Variants in NRXN3 observed in about 807,000 individuals in gnomAD.
NRXN3 encodes the protein neurexin III.
A neutral mutation model predicts 137.6 loss-of-function variants in NRXN3; 32 were observed. The ratio of observed to expected loss-of-function variants is 0.23; its 90% CI spans 0.18 to 0.31. NRXN3 has a LOEUF of 0.31. NRXN3 is among the 10% of genes least tolerant of loss of function. The pLI is 1.00. For missense variants in NRXN3, 1,574 were observed against 2,062.5 expected, an observed-to-expected ratio of 0.76 and a Z score of 4.59; for synonymous variants, 798 against 784.5, an observed-to-expected ratio of 1.02 and a Z score of -0.29.
intron 4 of NRXN3, among the ~76,000 whole-genome samples, chr14:78,535,631 G>A (rs1025431794): frequency 4.6e-5 from 7 of 152,188 alleles, no homozygotes; most frequent in Non-Finnish European, 1.0e-4. Context: ...AGGAGGAAAA[G>A]ACTAAAAAGT....
chr14:78,322,932 C>T (rs1183883428), intron 4 of NRXN3, among the ~76,000 whole-genome samples: 1 of 151,990 alleles, frequency 6.6e-6, no homozygotes, highest in Non-Finnish European at 1.5e-5. Context: ...CGCACTATGC[C>T]TTTCTGCAAT....
intron 19 of NRXN3, among the ~76,000 whole-genome samples, chr14:79,739,648 CAAAAAAAAAAAAAAA>C (rs72347811): frequency 9.4e-5 from 3 of 31,818 alleles, no homozygotes; most frequent in African/African-American, 3.5e-4. Context: ...GACTCTGCCT[CAAAAAAAAAAAAAAA>C]AAAAAAAAAA....
chr14:78,945,518 G>A, intron 10 of NRXN3, among the ~76,000 whole-genome samples: 1 of 152,072 alleles, frequency 6.6e-6, no homozygotes, highest in East Asian at 1.9e-4. Context: ...GCATCTCTTG[G>A]CTAATGGAGG....
At chr14:79,412,162 T>G (rs2095426058) in intron 15 of NRXN3, among the ~76,000 whole-genome samples, 1 of 152,124 alleles carries the variant, frequency 6.6e-6, no homozygotes, top group South Asian at 2.1e-4. Context: ...CAAGTATATA[T>G]GGTCCTGGCT....
intron 3 of NRXN3, among the ~76,000 whole-genome samples, chr14:78,293,529 C>T (rs781720530): frequency 3.5e-4 from 54 of 152,184 alleles, no homozygotes; most frequent in Non-Finnish European, 6.2e-4. Context: ...TAAAGGATCT[C>T]ATCCATCACT....
intron 15 of NRXN3, among the ~76,000 whole-genome samples, chr14:79,026,901 A>C (rs185817100): frequency 2.0e-5 from 3 of 149,162 alleles, no homozygotes; most frequent in African/African-American, 7.4e-5. Flanking sequence ...TGCCAGAATC[A>C]TGCGTGATCC....
At position 79,432,269 on chromosome 14, in the gene NRXN3, A is replaced by G. The variant is rs545024149; in HGVS notation, c.3263-34952A>G. Among the ~76,000 whole-genome samples the G allele has an allele frequency of 2.0e-5, 3 of 152,246 alleles. No individual in the cohort carries two copies. In the South Asian group the frequency reaches 6.2e-4, roughly 32 times the overall value. ...CTCAGGATCTTCTTTGGTTAAAATA[A>G]TCTTTCCTACTTCACCTTTGACCAA... On this transcript the variant is annotated intron_variant, in intron 15 of 20. Coordinates refer to ENST00000335750, the MANE Select transcript of NRXN3 (RefSeq NM_001330195.2).
intron 2 of NRXN3, among the ~76,000 whole-genome samples, chr14:78,265,425 C>T (rs79631749): frequency 6.6e-6 from 1 of 152,182 alleles, no homozygotes; most frequent in African/African-American, 2.4e-5. Context: ...TAAGAGTTAG[C>T]AATAAAACAC....
At chr14:78,424,584 A>G (rs1185806649) in intron 4 of NRXN3, among the ~76,000 whole-genome samples, 1 of 152,250 alleles carries the variant, frequency 6.6e-6, no homozygotes, top group Non-Finnish European at 1.5e-5. Flanking sequence ...AGCATTTATC[A>G]AAGAATGAGT....
intron 19 of NRXN3, among the ~76,000 whole-genome samples, chr14:79,745,547 C>T (rs1445315436): frequency 1.3e-5 from 2 of 152,030 alleles, no homozygotes; most frequent in African/African-American, 4.8e-5. Context: ...GGGGAGAATC[C>T]ACGTCTCCTT....
chr14:78,273,142 G>A (rs2073055876), intron 2 of NRXN3, among the ~76,000 whole-genome samples: 1 of 152,092 alleles, frequency 6.6e-6, no homozygotes, highest in African/African-American at 2.4e-5. Context: ...ATCCCATTTT[G>A]TCCTCACGTT....
In NRXN3 at chr14:79,329,779, ATATT is replaced by A. The variant is rs547723735; in HGVS notation, c.3263-137440_3263-137437del. On this transcript the variant is annotated intron_variant, in intron 15 of 20. Coordinates refer to ENST00000335750, the MANE Select transcript of NRXN3 (RefSeq NM_001330195.2). Reference sequence around the variant, plus strand: ...TGAAAGCATGGATTGGACTGTTTGAATATTTTCCTCTAGTTGATAAAGTGACTGA... The same window carrying A: ...TGAAAGCATGGATTGGACTGTTTGAATTCCTCTAGTTGATAAAGTGACTGA... Among the ~76,000 whole-genome samples, 669 of 152,190 alleles carry A rather than the reference ATATT, an allele frequency of 4.4e-3. 3 individuals carry two copies. Among genetic ancestry groups the A allele is most frequent in the Non-Finnish European group, 6.8e-3 (460 of 68,020 alleles).
intron 15 of NRXN3, among the ~76,000 whole-genome samples, chr14:79,276,967 C>A (rs550963762): frequency 1.3e-5 from 2 of 152,150 alleles, no homozygotes; most frequent in Non-Finnish European, 2.9e-5. Flanking sequence ...GAAGACTCAG[C>A]CCTCAGAGAG....
At chr14:79,723,424 C>T (rs530444786) in intron 19 of NRXN3, among the ~76,000 whole-genome samples, 13 of 152,192 alleles carry the variant, frequency 8.5e-5, no homozygotes, top group African/African-American at 2.6e-4. Context: ...CTAGAGTTTG[C>T]CCTAATTGTT....
At chr14:78,908,366 ATC>A (rs1347425396) in intron 10 of NRXN3, among the ~76,000 whole-genome samples, 1 of 152,046 alleles carries the variant, frequency 6.6e-6, no homozygotes, top group Non-Finnish European at 1.5e-5. Flanking sequence ...GTTTAAATAC[ATC>A]TGATCCTATC....
At chr14:79,154,146 A>G (rs1169495651) in intron 15 of NRXN3, among the ~76,000 whole-genome samples, 3 of 151,966 alleles carry the variant, frequency 2.0e-5, no homozygotes, top group East Asian at 1.9e-4. Flanking sequence ...GTTGGGGGCC[A>G]TTGTGTATTG....
intron 16 of NRXN3, among the ~76,000 whole-genome samples, chr14:79,485,342 C>T (rs1179489566): frequency 1.3e-5 from 2 of 152,140 alleles, no homozygotes; most frequent in African/African-American, 4.8e-5. Context: ...TTCTTCTCCC[C>T]ACCACCCCCC....
intron 16 of NRXN3, among the ~76,000 whole-genome samples, chr14:79,638,416 A>G (rs989352452): frequency 6.6e-6 from 1 of 152,194 alleles, no homozygotes; most frequent in Admixed American, 6.5e-5. Context: ...TACAGGTGAG[A>G]AAACTGACAG....
At chr14:78,953,379 A>G (rs1474618139) in intron 10 of NRXN3, among the ~76,000 whole-genome samples, 2 of 152,180 alleles carry the variant, frequency 1.3e-5, no homozygotes, top group East Asian at 3.9e-4. Flanking sequence ...AAGAAAAACA[A>G]TCTAGTCAGT....
Sources: gnomAD v4.1 joint callset for allele counts (sites outside exome capture counted in the v4.1 genomes callset) on GRCh38, gnomAD v4.1.1 for gene constraint, MANE v1.5 for transcripts, NCBI Gene and HGNC (gene_info 2026-07-23, HGNC 2026-07-21) for gene names.